The following CACNA1C variants were observed in gnomAD, a reference collection of about 807,000 sequenced individuals.
The protein encoded by CACNA1C is voltage-dependent L-type calcium channel subunit alpha-1C.
Under a neutral mutation model 229.0 loss-of-function variants are expected in CACNA1C, and 30 were observed. The observed-to-expected ratio is 0.13, with a 90% CI of 0.10 to 0.18. The LOEUF is 0.18. Ranked by LOEUF, CACNA1C falls within the 10% of genes least tolerant of loss-of-function variation. The pLI is 1.00. For missense variants in CACNA1C, 1,658 were observed against 2,845.0 expected, an observed-to-expected ratio of 0.58 and a Z score of 9.49; for synonymous variants, 1,114 against 1,132.5, an observed-to-expected ratio of 0.98 and a Z score of 0.33.
upstream of CACNA1C, chr12:2,049,240 G>A (rs1381716812): frequency 1.3e-5 from 2 of 152,246 alleles, no homozygotes; most frequent in Non-Finnish European, 2.9e-5. Flanking sequence ...TCAACTGGCT[G>A]TGAAACATGG....
intron 1 of CACNA1C, among the ~76,000 whole-genome samples, chr12:2,076,382 G>T (rs754717132): frequency 6.6e-6 from 1 of 152,074 alleles, no homozygotes; most frequent in Non-Finnish European, 1.5e-5. Context: ...AAGAGGATAC[G>T]ATAAATAAAG....
chr12:2,250,321 C>T (rs937015914), intron 3 of CACNA1C, among the ~76,000 whole-genome samples: 5 of 152,188 alleles, frequency 3.3e-5, no homozygotes, highest in Admixed American at 3.3e-4. Context: ...GTTGGGAGCA[C>T]TCAGCTTATT....
chr12:2,415,912 C>G (rs1250530680), intron 3 of CACNA1C, among the ~76,000 whole-genome samples: 1 of 152,196 alleles, frequency 6.6e-6, no homozygotes, highest in Non-Finnish European at 1.5e-5. Flanking sequence ...CCACCCTTCT[C>G]TTATGCGCTG....
intron 29 of CACNA1C, chr12:2,613,662 G>A (rs1295092835): frequency 1.3e-5 from 2 of 152,224 alleles, no homozygotes; most frequent in Non-Finnish European, 2.9e-5. Flanking sequence ...CCATTTAGGA[G>A]GACAGATCTT....
chr12:2,668,858 A>C (rs1603434725), intron 37 of CACNA1C, 75 bp from the exon 38 acceptor site: 1 of 943,588 alleles, frequency 1.1e-6, no homozygotes, highest in Non-Finnish European at 1.7e-6. Flanking sequence ...AAACCATATC[A>C]CTCTGCCACG....
At chr12:2,317,870 T>A (rs568677149) in intron 3 of CACNA1C, among the ~76,000 whole-genome samples, 1 of 152,122 alleles carries the variant, frequency 6.6e-6, no homozygotes, top group Non-Finnish European at 1.5e-5. Context: ...CATTTCATAA[T>A]CACACTGAAA....
chr12:2,106,887 A>G (rs1205787230), intron 1 of CACNA1C, among the ~76,000 whole-genome samples: 3,436 of 24,546 alleles, frequency 0.14, 1,059 homozygotes, highest in Non-Finnish European at 0.19. Context: ...TCAGCTGGGC[A>G]TCCTGAAGCC....
chr12:2,190,807 G>A (rs1200559185), intron 3 of CACNA1C, among the ~76,000 whole-genome samples: 1 of 152,206 alleles, frequency 6.6e-6, no homozygotes, highest in African/African-American at 2.4e-5. Flanking sequence ...GGGGTGGCAA[G>A]AAGGGTTATT....
At position 2,595,681 on chromosome 12, in the gene CACNA1C, T is replaced by C. The variant is rs982430715; in HGVS notation, c.2664-193T>C. Among the ~76,000 whole-genome samples, 3 of 152,164 alleles carry C rather than the reference T, an allele frequency of 2.0e-5. No homozygotes were observed. Among genetic ancestry groups the C allele is most frequent in the African/African-American group, 7.2e-5 (3 of 41,422 alleles). ...ACCTTCTAAAATATCAAAGATGATA[T>C]GTGCACCATGGGGGTGAGCAGTTGT... is the stretch of plus-strand genomic sequence containing the variant. On this transcript the variant is annotated intron_variant, in intron 19 of 46. Coordinates refer to ENST00000399655, the MANE Select transcript of CACNA1C (RefSeq NM_000719.7). The surrounding 1 kb of genome is among the most constrained non-coding windows in gnomAD (Gnocchi z 4.1).
In CACNA1C at chr12:2,163,435, G is replaced by A. The variant is rs180754223; in HGVS notation, c.477+43005G>A. 3.4e-3 allele frequency among the ~76,000 whole-genome samples: 522 copies of A among 151,988 alleles called. 6 individuals carry two copies. The highest frequency in any genetic ancestry group is 0.012 in the African/African-American group (488 of 41,452). On this transcript the variant is annotated intron_variant, in intron 3 of 46. Transcript: ENST00000399655. The stretch of plus-strand genomic sequence containing the variant: ...GTAATCTTTGGACTCCACACCCAGC[G>A]CTCCTTTTTTTTTTCTGTCATCTGT...
chr12:2,624,289 A>G (rs1488565822), intron 29 of CACNA1C, among the ~76,000 whole-genome samples: 3 of 152,182 alleles, frequency 2.0e-5, no homozygotes, highest in Non-Finnish European at 4.4e-5. Context: ...GGATGCTGAA[A>G]GTCCCACAAC....
At chr12:2,118,411 G>A (rs1321057582) in intron 2 of CACNA1C, among the ~76,000 whole-genome samples, 2 of 152,206 alleles carry the variant, frequency 1.3e-5, no homozygotes, top group African/African-American at 4.8e-5. Context: ...TGGCGTGGTA[G>A]GAGGGCTAAA....
At chr12:2,673,422 C>T (rs113275518) in intron 38 of CACNA1C, among the ~76,000 whole-genome samples, 209 of 148,224 alleles carry the variant, frequency 1.4e-3, no homozygotes, top group African/African-American at 5.1e-3. Flanking sequence ...GCCAAGATCG[C>T]GCCATTGCAC....
chr12:2,294,926 G>T (rs1406037358), intron 3 of CACNA1C, among the ~76,000 whole-genome samples: 1 of 152,158 alleles, frequency 6.6e-6, no homozygotes, highest in African/African-American at 2.4e-5. Flanking sequence ...TCCGTGGTCA[G>T]TGAAGCAATG....
chr12:2,422,635 T>C (rs1033815150), intron 3 of CACNA1C, among the ~76,000 whole-genome samples: 6 of 152,202 alleles, frequency 3.9e-5, no homozygotes, highest in African/African-American at 1.4e-4. Context: ...TTGCCCTCTT[T>C]AGCTCTCTAA....
At chr12:2,142,085 C>T (rs548102838) in intron 3 of CACNA1C, among the ~76,000 whole-genome samples, 1 of 151,210 alleles carries the variant, frequency 6.6e-6, no homozygotes, top group Admixed American at 6.7e-5. Context: ...GGGACAGCCA[C>T]CACCTGGCAC....
chr12:2,205,000 C>T (rs2097713952), intron 3 of CACNA1C, among the ~76,000 whole-genome samples: 1 of 151,984 alleles, frequency 6.6e-6, no homozygotes. Context: ...ATACTCATTC[C>T]CTCATGCTCA....
rs896522986 is a variant in CACNA1C at position 2,436,291 on chromosome 12, G to A, written c.478-12685G>A. On this transcript the variant is annotated intron_variant, in intron 3 of 46. Transcript: ENST00000399655. The stretch of plus-strand genomic sequence containing the variant: ...TTCCTTCATCCCTTGAAGGTAGGAA[G>A]AAGCCACCACTAGGCGGGGAAATAT... Among the ~76,000 whole-genome samples, 2 of 152,204 alleles carry A rather than the reference G, an allele frequency of 1.3e-5. 1 individual carries two copies. The highest frequency in any genetic ancestry group is 2.9e-5 in the Non-Finnish European group (2 of 68,036).
intron 3 of CACNA1C, among the ~76,000 whole-genome samples, chr12:2,205,743 G>A (rs1050908613): frequency 1.3e-5 from 2 of 152,118 alleles, no homozygotes; most frequent in Non-Finnish European, 2.9e-5. Flanking sequence ...TACCGCAGTG[G>A]GGGGACTACA....
Sources: allele counts gnomAD v4.1 joint callset (sites outside exome capture counted in the v4.1 genomes callset), GRCh38; gene constraint gnomAD v4.1.1; non-coding constraint Gnocchi (gnomAD v3.1); transcripts MANE v1.5; gene names NCBI Gene and HGNC (gene_info 2026-07-23, HGNC 2026-07-21).